The following NLGN4X variants were observed in gnomAD, a reference collection of about 807,000 sequenced individuals.
NLGN4X encodes the protein neuroligin-4, X-linked.
A neutral mutation model predicts 40.3 loss-of-function variants in NLGN4X; 3 were observed. That is an observed-to-expected ratio of 0.07 (90% CI 0.03 to 0.19). The LOEUF is 0.19. NLGN4X is among the 10% of genes least tolerant of loss of function. NLGN4X has a pLI of 1.00. For synonymous variants in NLGN4X, 270 were observed against 306.8 expected (o/e 0.88, Z 1.25); for missense variants, 382 against 708.3 (o/e 0.54, Z 5.23).
intron 1 of NLGN4X, among the ~76,000 whole-genome samples, chrX:6,174,689 A>G (rs963404904): frequency 1.8e-5 from 2 of 112,125 alleles, no homozygotes. Flanking sequence ...GAGTCAACAT[A>G]AAAACAGAAA....
At chrX:6,101,275 T>C (rs1406465879) in intron 2 of NLGN4X, among the ~76,000 whole-genome samples, 2 of 111,553 alleles carry the variant, frequency 1.8e-5, no homozygotes, top group East Asian at 2.8e-4. Context: ...CAGTATGCTA[T>C]AGTCTGAAAG....
intron 2 of NLGN4X, among the ~76,000 whole-genome samples, chrX:6,090,175 A>G (rs1409698575): frequency 8.9e-6 from 1 of 111,898 alleles, no homozygotes. Context: ...GTACTTCATA[A>G]TAATCTCAGG....
intron 3 of NLGN4X, among the ~76,000 whole-genome samples, chrX:5,973,528 C>T (rs2035085996): frequency 8.9e-6 from 1 of 112,262 alleles, no homozygotes; most frequent in Non-Finnish European, 1.9e-5. Flanking sequence ...ATATGGAATC[C>T]TACCCCCACT....
chrX:6,176,857 C>T lies in NLGN4X; in HGVS notation c.-305-25086G>A, dbSNP rs142234671. ...CCACTAAGTCTGTAGTAACTTGTTA[C>T]TGCAGCACAGATAGGAAACTAATAC... On this transcript the variant is annotated intron_variant, in intron 1 of 5. Transcript: ENST00000381095. 6.0e-3 allele frequency among the ~76,000 whole-genome samples: 671 copies of T among 111,874 alleles called. 4 individuals are homozygous for T. Among genetic ancestry groups the T allele is most frequent in the African/African-American group, 0.021 (642 of 30,839 alleles).
rs727504050 is a variant in NLGN4X at position 5,903,114 on chromosome X, C to T, written c.1564G>A (p.Val522Met). ...FSKNDVMLSAVVMTYWTNFAK... is the reference protein window; with the variant it reads ...FSKNDVMLSAMVMTYWTNFAK... The stretch of plus-strand genomic sequence containing the variant: ...AAGTTCGTCCAGTAGGTCATGACCA[C>T]GGCGCTGAGCATGACGTCGTTCTTG... The change falls in exon 5 of 6, where the codon GTG (valine) becomes ATG (methionine). Residue 522 changes from valine (V) to methionine (M), a missense_variant. Val to Met is a conservative substitution (Grantham distance 21). Coordinates refer to ENST00000381095, the MANE Select transcript of NLGN4X (RefSeq NM_181332.3). 8.3e-7 allele frequency: 1 copy of T among 1,211,893 alleles called. No homozygotes were observed. The highest frequency in any genetic ancestry group is 1.1e-6 in the Non-Finnish European group (1 of 895,585).
rs372119950 is a variant in NLGN4X at position 5,890,227 on chromosome X, A to AT, written c.*2589dup. On this transcript the variant is annotated 3_prime_UTR_variant, in exon 6 of 6. Transcript: ENST00000381095. ...ATCAAGAGTAAAAGCCTAGGACAGGATTTTTTTTTTTCTTACTTTTTTCTC... is the reference window on the plus strand; with the variant it reads ...ATCAAGAGTAAAAGCCTAGGACAGGATTTTTTTTTTTTCTTACTTTTTTCTC... 9.6e-3 allele frequency: 1,481 copies of AT among 153,532 alleles called. No homozygotes were observed. The highest frequency in any genetic ancestry group is 0.018 in the Middle Eastern group (7 of 397). The allele number at this position is 153,532 out of a possible 1,213,427, so 12.7% of individuals were successfully genotyped here. A position where few individuals can be genotyped will look rare whatever the true frequency, so the allele number is the denominator to read the frequency against.
intron 1 of NLGN4X, among the ~76,000 whole-genome samples, chrX:6,213,618 T>G (rs5916334): frequency 0.11 from 12,389 of 111,917 alleles, 540 homozygotes; most frequent in East Asian, 0.17. Flanking sequence ...CCTAAAATTT[T>G]TAAAAGGTTA....
intron 3 of NLGN4X, among the ~76,000 whole-genome samples, chrX:6,010,577 G>A (rs1265812994): frequency 2.4e-5 from 2 of 82,956 alleles, no homozygotes; most frequent in African/African-American, 8.3e-5. Context: ...CGCCCAGGGT[G>A]GAGTGCAGTG....
chrX:6,124,879 C>A (rs1364999585), intron 2 of NLGN4X, among the ~76,000 whole-genome samples: 1 of 112,397 alleles, frequency 8.9e-6, no homozygotes, highest in Non-Finnish European at 1.9e-5. Context: ...CGAACGTTTA[C>A]AAAATCTGCC....
intron 2 of NLGN4X, among the ~76,000 whole-genome samples, chrX:6,042,196 TGA>T (rs1400381309): frequency 9.0e-6 from 1 of 111,719 alleles, no homozygotes; most frequent in East Asian, 2.8e-4. Context: ...GAAGACAGAC[TGA>T]GAGAAAAAGG....
At chrX:6,188,770 A>G (rs1337904338) in intron 1 of NLGN4X, among the ~76,000 whole-genome samples, 1 of 111,809 alleles carries the variant, frequency 8.9e-6, no homozygotes, top group East Asian at 2.8e-4. Context: ...CATGAAAGGA[A>G]TTTTTCTTGA....
chrX:5,911,815 C>T (rs1210211083), intron 3 of NLGN4X, among the ~76,000 whole-genome samples: 1 of 111,851 alleles, frequency 8.9e-6, no homozygotes, highest in Non-Finnish European at 1.9e-5. Context: ...TCCATCTTGC[C>T]TTTAACCTCC....
At chrX:5,896,033 G>T (rs1159672646) in intron 5 of NLGN4X, among the ~76,000 whole-genome samples, 1 of 111,391 alleles carries the variant, frequency 9.0e-6, no homozygotes, top group Non-Finnish European at 1.9e-5. Flanking sequence ...ATATTCTAAA[G>T]AAACAAATGG....
chrX:6,025,852 C>T (rs772553755), intron 3 of NLGN4X, among the ~76,000 whole-genome samples: 1 of 105,181 alleles, frequency 9.5e-6, no homozygotes, highest in Admixed American at 1.0e-4. Flanking sequence ...TGCAGTGAGC[C>T]GAGATCATGC....
At chrX:6,226,837 C>A (rs1186647823) in intron 1 of NLGN4X, 1 of 122,093 alleles carries the variant, frequency 8.2e-6, no homozygotes, top group Non-Finnish European at 1.7e-5. Flanking sequence ...CCCCCACCCA[C>A]GCATCATCTG....
chrX:6,151,487 T>A lies in NLGN4X; in HGVS notation c.-21A>T, dbSNP rs765878677. 2.6e-6 allele frequency: 3 copies of A among 1,162,428 alleles called. No individual in the cohort carries two copies. The highest frequency in any genetic ancestry group is 3.5e-6 in the Non-Finnish European group (3 of 851,479). On this transcript the variant is annotated 5_prime_UTR_variant, in exon 2 of 6. The change abolishes an upstream ATG in the 5' untranslated region. Coordinates refer to ENST00000381095, the MANE Select transcript of NLGN4X (RefSeq NM_181332.3). ...GACATGGTTCAAATCTGCATCCACA[T>A]CCACAGCTGTCCCAGTGATGTGGCT...
At chrX:5,956,352 T>C in intron 3 of NLGN4X, among the ~76,000 whole-genome samples, 1 of 110,768 alleles carries the variant, frequency 9.0e-6, no homozygotes, top group East Asian at 2.8e-4. Context: ...AACTGGTTTG[T>C]ATGACACCAA....
chrX:6,060,546 A>T (rs35223618), intron 2 of NLGN4X, among the ~76,000 whole-genome samples: 42 of 111,909 alleles, frequency 3.8e-4, no homozygotes, highest in Non-Finnish European at 7.7e-4. Flanking sequence ...ATGCCTGTAT[A>T]TCATACTAAA....
chrX:5,906,035 G>C (rs183431095), intron 4 of NLGN4X, among the ~76,000 whole-genome samples: 59 of 111,636 alleles, frequency 5.3e-4, no homozygotes, highest in African/African-American at 1.8e-3. Flanking sequence ...CGATGCAAAA[G>C]TATAATAATT....
Sources: gnomAD v4.1 joint callset for allele counts (sites outside exome capture counted in the v4.1 genomes callset) on GRCh38, gnomAD v4.1.1 for gene constraint, MANE v1.5 for transcripts, NCBI Gene and HGNC (gene_info 2026-07-23, HGNC 2026-07-21) for gene names.